The following TASOR variants were observed in gnomAD, a reference collection of about 807,000 sequenced individuals.
The protein encoded by TASOR is protein TASOR.
TASOR carries 53 observed loss-of-function variants against 178.6 expected under a neutral mutation model. The ratio of observed to expected loss-of-function variants is 0.30; its 90% CI spans 0.24 to 0.37. TASOR has a LOEUF of 0.37. Ranked by LOEUF, TASOR falls within the 10% of genes least tolerant of loss-of-function variation. The pLI is 1.00. For missense variants in TASOR, 1,815 were observed against 1,971.4 expected, an observed-to-expected ratio of 0.92 and a Z score of 1.50; for synonymous variants, 713 against 696.2, an observed-to-expected ratio of 1.02 and a Z score of -0.38.
intron 3 of TASOR, among the ~76,000 whole-genome samples, chr3:56,670,473 TAG>T (rs2030563522): frequency 1.3e-5 from 2 of 152,140 alleles, no homozygotes; most frequent in African/African-American, 4.8e-5. Flanking sequence ...CCCAAGTAAC[TAG>T]AACTACAAGT....
At chr3:56,650,973 G>A (rs908635244) in intron 11 of TASOR, among the ~76,000 whole-genome samples, 8 of 152,240 alleles carry the variant, frequency 5.3e-5, no homozygotes, top group African/African-American at 1.9e-4. Flanking sequence ...TTCATGTTTT[G>A]TGCTCACTGA....
chr3:56,679,301 G>A (rs1460696181), intron 1 of TASOR, among the ~76,000 whole-genome samples: 1 of 152,096 alleles, frequency 6.6e-6, no homozygotes, highest in Non-Finnish European at 1.5e-5. Flanking sequence ...ACATCAACAA[G>A]GTTGAACATA....
intron 1 of TASOR, among the ~76,000 whole-genome samples, chr3:56,676,620 T>C (rs754585226): frequency 5.9e-5 from 9 of 152,182 alleles, no homozygotes; most frequent in Non-Finnish European, 5.9e-5. Flanking sequence ...TTCAGATATA[T>C]AAAATGTACA....
chr3:56,658,027 GTC>G (rs1229902549), intron 11 of TASOR, among the ~76,000 whole-genome samples: 1 of 152,112 alleles, frequency 6.6e-6, no homozygotes, highest in Non-Finnish European at 1.5e-5. Context: ...CACAAAATCT[GTC>G]TCTGATTCAG....
At chr3:56,677,488 A>T (rs570508718) in intron 1 of TASOR, among the ~76,000 whole-genome samples, 36 of 152,318 alleles carry the variant, frequency 2.4e-4, no homozygotes, top group African/African-American at 8.2e-4. Flanking sequence ...TGAAACTGAG[A>T]CAAGTAGCCT....
intron 13 of TASOR, among the ~76,000 whole-genome samples, chr3:56,647,962 G>T (rs879359287): frequency 6.6e-6 from 1 of 151,908 alleles, no homozygotes; most frequent in Non-Finnish European, 1.5e-5. Flanking sequence ...AGCTTGGGAG[G>T]CTGAGGTAGT....
In TASOR at chr3:56,633,565, C is replaced by T. The variant is rs200064504; in HGVS notation, c.3226G>A (p.Glu1076Lys). The T allele has an allele frequency of 1.5e-4, 241 of 1,614,152 alleles. No homozygotes were observed. The highest frequency in any genetic ancestry group is 6.6e-4 in the Middle Eastern group (4 of 6,062). The change falls in exon 18 of 24, where the codon GAG becomes AAG. Residue 1076 changes from glutamate to lysine, a missense_variant. This residue lies in a region of TASOR where 655 missense variants were observed against 671.1 expected (regional missense o/e 0.98). Coordinates refer to ENST00000683822, the MANE Select transcript of TASOR (RefSeq NM_001365635.2). Reference protein sequence around the residue: ...YSKTSKAGVQEFVDGLHEKLN... With the variant: ...YSKTSKAGVQKFVDGLHEKLN... The stretch of plus-strand genomic sequence containing the variant: ...TTCTCATGCAAACCATCTACAAACT[C>T]CTGCACACCAGCTTTGGAAGTCTTA...
At chr3:56,649,411 T>C (rs956924287) in intron 11 of TASOR, among the ~76,000 whole-genome samples, 1 of 152,208 alleles carries the variant, frequency 6.6e-6, no homozygotes, top group Non-Finnish European at 1.5e-5. Flanking sequence ...GCCAAGGTAA[T>C]GTGCTAGATG....
chr3:56,676,210 C>T (rs1040383097), intron 1 of TASOR, among the ~76,000 whole-genome samples: 1 of 152,154 alleles, frequency 6.6e-6, no homozygotes, highest in Admixed American at 6.5e-5. Context: ...CCTGTGAGTG[C>T]CAGCCCTAAA....
In TASOR at chr3:56,621,196, C is replaced by T. The variant is rs973097595; in HGVS notation, c.*1841G>A. 15 of 166,216 alleles carry T rather than the reference C, an allele frequency of 9.0e-5. No homozygotes were observed. In the Admixed American group the frequency reaches 9.5e-4, roughly 11 times the overall value. The allele number at this position is 166,216 out of a possible 1,614,324, so 10.3% of individuals were successfully genotyped here. On this transcript the variant is annotated 3_prime_UTR_variant, in exon 24 of 24. Coordinates refer to ENST00000683822, the MANE Select transcript of TASOR (RefSeq NM_001365635.2). ...AAACAACAACAACAAAAAAAAAACA[C>T]TGTATGTTAAGGGAGACTCCTTCAG...
In TASOR at chr3:56,633,755, T is replaced by C. The variant is rs1578200255; in HGVS notation, c.3036A>G (p.Ala1012=). The C allele has an allele frequency of 3.7e-6, 6 of 1,614,202 alleles. No individual in the cohort carries two copies. The East Asian group carries it at 1.1e-4, about 30-fold the overall frequency. The change falls in exon 18 of 24, where the codon GCA becomes GCG. Residue 1012 remains alanine (A), a synonymous_variant. Coordinates refer to ENST00000683822, the MANE Select transcript of TASOR (RefSeq NM_001365635.2). ...CTGTCCTCTCTGTGGTTTCGCTCACTGCAGGCGGCTCTGCCTCTGCTGCTG... is the reference window on the plus strand; with the variant it reads ...CTGTCCTCTCTGTGGTTTCGCTCACCGCAGGCGGCTCTGCCTCTGCTGCTG... ...CVPAAEAEPP[A]VSETTERTVL...
At chr3:56,653,262 C>CAAAAAAA (rs1176419181) in intron 11 of TASOR, among the ~76,000 whole-genome samples, 56 of 4,970 alleles carry the variant, frequency 0.011, 10 homozygotes, top group Non-Finnish European at 0.018. Context: ...GACTCCATCT[C>CAAAAAAA]AAAAAAAAAA....
In TASOR at chr3:56,641,622, C is replaced by T. The variant is rs779714629; in HGVS notation, c.2346G>A (p.Ala782=). 1.2e-5 allele frequency: 19 copies of T among 1,614,010 alleles called. 1 individual carries two copies. The highest frequency in any genetic ancestry group is 1.2e-4 in the Admixed American group (7 of 59,998). ...FNWLSETLAN[A]RHSDASLTDT... ...CTGTCAGAGATGCATCAGAATGGCGCGCATTTGCTAGTGTTTCTGATAACC... is the reference window on the plus strand; with the variant it reads ...CTGTCAGAGATGCATCAGAATGGCGTGCATTTGCTAGTGTTTCTGATAACC... The change falls in exon 15 of 24, where the codon GCG becomes GCA. Residue 782 remains alanine, a synonymous_variant. Transcript: ENST00000683822.
At position 56,645,917 on chromosome 3, in the gene TASOR, G is replaced by A. The variant is rs144068094; in HGVS notation, c.2215+605C>T. On this transcript the variant is annotated intron_variant, in intron 14 of 23. Transcript: ENST00000683822. ...TAATCCCAGCACTTTGGGAGGCCGAGGCAGGCGGATCACGAGGTCAGGAGA... is the reference window on the plus strand; with the variant it reads ...TAATCCCAGCACTTTGGGAGGCCGAAGCAGGCGGATCACGAGGTCAGGAGA... Among the ~76,000 whole-genome samples, 733 of 152,312 alleles carry A rather than the reference G, an allele frequency of 4.8e-3. 8 individuals carry two copies. The highest frequency in any genetic ancestry group is 0.017 in the African/African-American group (687 of 41,568).
chr3:56,649,162 T>A, intron 11 of TASOR, 105 bp from the exon 12 acceptor site: 1 of 741,830 alleles, frequency 1.3e-6, no homozygotes, highest in Non-Finnish European at 2.0e-6. Context: ...AAGTTCTTAA[T>A]CATCTTTTAA....
chr3:56,633,871 A>G lies in TASOR; in HGVS notation c.2920T>C (p.Tyr974His). The G allele has an allele frequency of 2.5e-6, 4 of 1,609,998 alleles. No individual in the cohort carries two copies. The highest frequency in any genetic ancestry group is 3.4e-6 in the Non-Finnish European group (4 of 1,177,906). The change falls in exon 18 of 24, where the codon TAC (tyrosine) becomes CAC (histidine). Residue 974 changes from tyrosine to histidine, a missense_variant. Physicochemically the swap from Tyr to His is moderately conservative, Grantham distance 83. Around this residue, in one of 5 missense-constraint regions of TASOR, gnomAD observed 655 missense variants for 671.1 expected, o/e 0.98. Transcript: ENST00000683822. ...RVINRQRSSDYQFPSSPFTDT... is the reference protein window; with the variant it reads ...RVINRQRSSDHQFPSSPFTDT... ...GTAAATGGAGAGGATGGAAACTGGT[A>G]ATCAGAACTTCTCTGTCTATTTATT...
chr3:56,622,082 C>T lies in TASOR; in HGVS notation c.*955G>A, dbSNP rs897395467. ...AAATAACACAAATTCAGTTTAGGCTCCTTCTCTAAATCCTGACATTTATTT... is the reference window on the plus strand; with the variant it reads ...AAATAACACAAATTCAGTTTAGGCTTCTTCTCTAAATCCTGACATTTATTT... On this transcript the variant is annotated 3_prime_UTR_variant, in exon 24 of 24. Transcript: ENST00000683822. The T allele has an allele frequency of 2.6e-5, 4 of 152,180 alleles. No individual in the cohort carries two copies. Among genetic ancestry groups the T allele is most frequent in the African/African-American group, 9.7e-5 (4 of 41,442 alleles). 9.4% of individuals were successfully genotyped at this position (152,180 alleles called of 1,614,324 possible).
At position 56,623,206 on chromosome 3, in the gene TASOR, G is replaced by A; in HGVS notation, c.4844C>T (p.Thr1615Ile). Reference sequence around the variant, plus strand: ...TGGTGTCCCCAAAAATGTCTGATGAGTGAGAACATTAAAATGACTAAACTG... The same window carrying A: ...TGGTGTCCCCAAAAATGTCTGATGAATGAGAACATTAAAATGACTAAACTG... The part of the protein sequence containing the change: ...SHQFSHFNVL[T>I]HQTFLGTPYA... Residue 1615 changes from threonine (T) to isoleucine (I), a missense_variant, in exon 24 of 24, where the codon ACT becomes ATT. This residue lies in a region of TASOR where 278 missense variants were observed against 257.1 expected (regional missense o/e 1.08). Transcript: ENST00000683822. 1 of 1,613,582 alleles carries A rather than the reference G, an allele frequency of 6.2e-7. No individual in the cohort carries two copies. The highest frequency in any genetic ancestry group is 8.5e-7 in the Non-Finnish European group (1 of 1,179,874).
chr3:56,683,028 GGGAAGCTTCTGCCCACAA>G lies in TASOR; in HGVS notation c.-40_-23del. Reference sequence around the variant, plus strand: ...CCATCGCGCCGGCCTAAGGAGCTCTGGGAAGCTTCTGCCCACAAGGTCGACGGGTGTGGGGGGAAGGGG... The same window carrying G: ...CCATCGCGCCGGCCTAAGGAGCTCTGGGTCGACGGGTGTGGGGGGAAGGGG... On this transcript the variant is annotated 5_prime_UTR_variant, in exon 1 of 24. Coordinates refer to ENST00000683822, the MANE Select transcript of TASOR (RefSeq NM_001365635.2). 6.6e-7 allele frequency: 1 copy of G among 1,508,436 alleles called. No homozygotes were observed. The highest frequency in any genetic ancestry group is 8.9e-7 in the Non-Finnish European group (1 of 1,126,712). The allele number at this position is 1,508,436 out of a possible 1,614,324, so 93.4% of individuals were successfully genotyped here. A position where few individuals can be genotyped will look rare whatever the true frequency, so the allele number is the denominator to read the frequency against.
Sources: gnomAD v4.1 joint callset for allele counts (sites outside exome capture counted in the v4.1 genomes callset) on GRCh38, gnomAD v4.1.1 for gene constraint, gnomAD v4.1.1 regional missense constraint, MANE v1.5 for transcripts, NCBI Gene and HGNC (gene_info 2026-07-23, HGNC 2026-07-21) for gene names.